Variants in DPF3 observed in about 807,000 individuals in gnomAD.
The protein encoded by DPF3 is double PHD fingers 3.
In DPF3, 18 loss-of-function variants were observed where a neutral mutation model predicts 56.8. That is an observed-to-expected ratio of 0.32 (90% CI 0.22 to 0.47). DPF3 has a LOEUF of 0.47. Among genes scored for constraint, DPF3 ranks in the 20% least tolerant of loss-of-function variants. The pLI, the probability that DPF3 is intolerant of heterozygous loss-of-function variation, is 1.00. For missense variants in DPF3, 403 were observed against 488.8 expected (o/e 0.82, Z 1.65); for synonymous variants, 188 against 180.2 (o/e 1.04, Z -0.35).
At chr14:72,662,938 TAA>T (rs5809583) in intron 8 of DPF3, 3,130 of 564,240 alleles carry the variant, frequency 5.5e-3, no homozygotes, top group Middle Eastern at 0.02. Flanking sequence ...TGAAATGAAT[TAA>T]AAAAAAAAAA....
At chr14:72,793,088 T>C (rs1599446224) in intron 1 of DPF3, among the ~76,000 whole-genome samples, 1 of 152,186 alleles carries the variant, frequency 6.6e-6, no homozygotes, top group Non-Finnish European at 1.5e-5. Context: ...ATTGCAAACA[T>C]GATTAGGTCC....
chr14:72,750,995 A>G (rs1192025675), intron 3 of DPF3, among the ~76,000 whole-genome samples: 1 of 152,098 alleles, frequency 6.6e-6, no homozygotes, highest in Non-Finnish European at 1.5e-5. Context: ...GTTTAAGACT[A>G]GCCTGGGTAG....
At chr14:72,773,657 C>A in intron 1 of DPF3, 1 of 364,752 alleles carries the variant, frequency 2.7e-6, no homozygotes, top group East Asian at 7.2e-5. Context: ...AACTACCAAT[C>A]TGCTTTCTAT....
intron 1 of DPF3, among the ~76,000 whole-genome samples, chr14:72,793,883 GT>G (rs1003584774): frequency 1.3e-5 from 2 of 152,236 alleles, no homozygotes; most frequent in Non-Finnish European, 2.9e-5. Flanking sequence ...GGCCAGCTGG[GT>G]TCTCTGGCCA....
chr14:72,804,827 T>C (rs1381818705), intron 1 of DPF3, among the ~76,000 whole-genome samples: 1 of 152,180 alleles, frequency 6.6e-6, no homozygotes, highest in Non-Finnish European at 1.5e-5. Context: ...GGCTGAGTCC[T>C]GGGAGGTGTC....
At chr14:72,662,192 C>T (rs890043192) in intron 8 of DPF3, 62 of 985,216 alleles carry the variant, frequency 6.3e-5, no homozygotes, top group African/African-American at 8.7e-5. Flanking sequence ...ACATCCAACT[C>T]GCAGAAATAA....
chr14:72,622,711 T>G (rs1884532583), intron 9 of DPF3, among the ~76,000 whole-genome samples: 1 of 151,312 alleles, frequency 6.6e-6, no homozygotes, highest in African/African-American at 2.4e-5. Context: ...CAAACACAAT[T>G]TTAGTACCTC....
At chr14:72,674,128 C>A (rs781162948) in intron 8 of DPF3, 112 bp downstream of exon 8, 198 of 1,403,940 alleles carry the variant, frequency 1.4e-4, no homozygotes, top group Non-Finnish European at 1.7e-4. Flanking sequence ...CACTCGAAAG[C>A]ATTGCCACCA....
chr14:72,844,951 C>T (rs1348141655), intron 1 of DPF3, among the ~76,000 whole-genome samples: 2 of 152,192 alleles, frequency 1.3e-5, no homozygotes, highest in East Asian at 3.9e-4. Flanking sequence ...GAGTCCCTGA[C>T]TCTACAACAA....
chr14:72,829,490 T>G (rs1883959476), intron 1 of DPF3, among the ~76,000 whole-genome samples: 1 of 151,922 alleles, frequency 6.6e-6, no homozygotes, highest in Admixed American at 6.6e-5. Context: ...GTTCAAGTGA[T>G]TCTCCTGCCT....
At chr14:72,854,698 C>G (rs896968647) in intron 1 of DPF3, among the ~76,000 whole-genome samples, 7 of 152,158 alleles carry the variant, frequency 4.6e-5, no homozygotes, top group African/African-American at 1.7e-4. Flanking sequence ...TCCTGGGTCT[C>G]TTGAACTCCT....
At chr14:72,720,580 T>G (rs1222802102) in intron 5 of DPF3, among the ~76,000 whole-genome samples, 1 of 152,200 alleles carries the variant, frequency 6.6e-6, no homozygotes, top group Non-Finnish European at 1.5e-5. Flanking sequence ...TGTTCAGGTG[T>G]CTCTCATCTC....
chr14:72,832,228 T>A (rs1388895549), intron 1 of DPF3, among the ~76,000 whole-genome samples: 4 of 151,842 alleles, frequency 2.6e-5, no homozygotes, highest in African/African-American at 4.8e-5. Context: ...TTAAAAAAAA[T>A]TAAAATTAAA....
intron 1 of DPF3, among the ~76,000 whole-genome samples, chr14:72,879,379 CAAAA>C (rs777339050): frequency 2.6e-5 from 3 of 114,372 alleles, no homozygotes; most frequent in Admixed American, 8.5e-5. Context: ...ATTCCATCTC[CAAAA>C]AAAAAAAAAA....
At chr14:72,853,458 T>C (rs1281449389) in intron 1 of DPF3, 1 of 147,278 alleles carries the variant, frequency 6.8e-6, no homozygotes, top group African/African-American at 2.5e-5. Context: ...AATTTAGAAA[T>C]AGCTTGCTGC....
chr14:72,843,116 C>T (rs1860747), intron 1 of DPF3, among the ~76,000 whole-genome samples: 88,723 of 152,110 alleles, frequency 0.58, 26,718 homozygotes, highest in East Asian at 0.88. Flanking sequence ...TGTATCATTC[C>T]GGGGAGCTCT....
intron 7 of DPF3, among the ~76,000 whole-genome samples, chr14:72,682,771 C>T (rs750909796): frequency 9.9e-5 from 15 of 152,184 alleles, no homozygotes; most frequent in African/African-American, 1.7e-4. Flanking sequence ...TGGTGGCACA[C>T]GCAGGGGCGC....
intron 9 of DPF3, among the ~76,000 whole-genome samples, chr14:72,626,960 T>A (rs371276461): frequency 2.0e-4 from 30 of 152,124 alleles, no homozygotes; most frequent in African/African-American, 6.5e-4. Flanking sequence ...GGGTCATTTT[T>A]ATATCTTTTG....
chr14:72,613,444 C>T lies in DPF3; in HGVS notation c.*5853G>A, dbSNP rs1406120845. 1.3e-5 allele frequency among the ~76,000 whole-genome samples: 2 copies of T among 152,210 alleles called. No individual in the cohort carries two copies. The highest frequency in any genetic ancestry group is 4.8e-5 in the African/African-American group (2 of 41,448). On this transcript the variant is annotated 3_prime_UTR_variant, in exon 11 of 11. Transcript: ENST00000556509. ...CTCTGGCCTGCCCTGGGAAATGTCG[C>T]CATCAGCAAAATACTCCCTTCTCCT...
Sources: allele counts gnomAD v4.1 joint callset (sites outside exome capture counted in the v4.1 genomes callset), GRCh38; gene constraint gnomAD v4.1.1; transcripts MANE v1.5; gene names NCBI Gene and HGNC (gene_info 2026-07-23, HGNC 2026-07-21).